FGF14: variants seen among roughly 807,000 people sequenced by gnomAD.
The protein encoded by FGF14 is fibroblast growth factor 14.
FGF14 carries 5 observed loss-of-function variants against 25.5 expected under a neutral mutation model. That is an observed-to-expected ratio of 0.20 (90% CI 0.10 to 0.41). FGF14 has a LOEUF of 0.41. Ranked by LOEUF, FGF14 falls within the 10% of genes least tolerant of loss-of-function variation. The pLI is 1.00. For synonymous variants in FGF14, 138 were observed against 118.3 expected (o/e 1.17, Z -1.08); for missense variants, 222 against 320.1 (o/e 0.69, Z 2.34).
intron 1 of FGF14, among the ~76,000 whole-genome samples, chr13:102,218,725 G>C (rs543535418): frequency 6.6e-6 from 1 of 151,216 alleles, no homozygotes; most frequent in African/African-American, 2.4e-5. Context: ...ACCACCTTGG[G>C]GTGTTTTTAT....
intron 3 of FGF14, among the ~76,000 whole-genome samples, chr13:101,833,282 T>C (rs1234857590): frequency 6.6e-6 from 1 of 152,090 alleles, no homozygotes; most frequent in Non-Finnish European, 1.5e-5. Context: ...GGGAAGTTTC[T>C]GTCTGATAAA....
At chr13:102,075,415 T>A (rs1038484187) in intron 1 of FGF14, among the ~76,000 whole-genome samples, 1 of 152,158 alleles carries the variant, frequency 6.6e-6, no homozygotes, top group Non-Finnish European at 1.5e-5. Flanking sequence ...AAGATTATAA[T>A]CAAGCTGAAA....
In FGF14 at chr13:101,718,086, G is replaced by T. The variant is rs1402471881; in HGVS notation, c.*4745C>A. ...CAAAGATGAAAATATAGTCAGCTCT[G>T]TTCTAGTGTTCATTTAGTTAGAAAC... On this transcript the variant is annotated 3_prime_UTR_variant, in exon 5 of 5. Coordinates refer to ENST00000376143, the MANE Select transcript of FGF14 (RefSeq NM_004115.4). 6.6e-6 allele frequency: 1 copy of T among 152,072 alleles called. No homozygotes were observed. The highest frequency in any genetic ancestry group is 1.5e-5 in the Non-Finnish European group (1 of 67,996). The allele number at this position is 152,072 out of a possible 1,614,324, so 9.4% of individuals were successfully genotyped here.
At position 101,812,635 on chromosome 13, in the gene FGF14, A is replaced by T. The variant is rs1566931144; in HGVS notation, c.408+56090T>A. Among the ~76,000 whole-genome samples the T allele has an allele frequency of 6.3e-4, 7 of 11,026 alleles. 1 individual carries two copies. The highest frequency in any genetic ancestry group is 1.8e-3 in the East Asian group (1 of 548). 7.2% of individuals were successfully genotyped at this position (11,026 alleles called of 152,430 possible). On this transcript the variant is annotated intron_variant, in intron 3 of 4. Coordinates refer to ENST00000376143, the MANE Select transcript of FGF14 (RefSeq NM_004115.4). ...ACTATATATATATATATATATATATATATATATATATATATATATTTTTTT... is the reference window on the plus strand; with the variant it reads ...ACTATATATATATATATATATATATTTATATATATATATATATATTTTTTT...
At chr13:101,979,809 GAA>G (rs752940853) in intron 1 of FGF14, among the ~76,000 whole-genome samples, 6 of 152,102 alleles carry the variant, frequency 3.9e-5, no homozygotes, top group Non-Finnish European at 8.8e-5. Context: ...ACGAGGAAAA[GAA>G]AATGACAAGA....
chr13:102,341,869 A>G (rs73583204), intron 1 of FGF14, among the ~76,000 whole-genome samples: 78 of 152,254 alleles, frequency 5.1e-4, no homozygotes, highest in African/African-American at 1.8e-3. Flanking sequence ...GACTATTTGC[A>G]TTTGTCTCTG....
intron 1 of FGF14, among the ~76,000 whole-genome samples, chr13:102,225,074 CTG>C (rs1353946439): frequency 6.6e-6 from 1 of 152,132 alleles, no homozygotes; most frequent in Non-Finnish European, 1.5e-5. Flanking sequence ...CGTCTCAGCC[CTG>C]TCTTACCTCT....
At chr13:101,979,107 C>T (rs941404223) in intron 1 of FGF14, among the ~76,000 whole-genome samples, 2 of 152,200 alleles carry the variant, frequency 1.3e-5, no homozygotes, top group African/African-American at 4.8e-5. Flanking sequence ...GCATGAGCTC[C>T]AGAGCCAGAC....
chr13:102,310,784 G>A (rs1203017365), intron 1 of FGF14, among the ~76,000 whole-genome samples: 4 of 149,010 alleles, frequency 2.7e-5, no homozygotes, highest in African/African-American at 4.9e-5. Context: ...TCTAGGTAAA[G>A]GAAGCTTGGC....
intron 3 of FGF14, among the ~76,000 whole-genome samples, chr13:101,850,989 C>G (rs1036038743): frequency 2.0e-5 from 3 of 151,862 alleles, no homozygotes; most frequent in African/African-American, 7.3e-5. Flanking sequence ...AACTGTGTTT[C>G]CCCAAAAGAC....
At chr13:102,284,207 G>A in intron 1 of FGF14, among the ~76,000 whole-genome samples, 1 of 152,124 alleles carries the variant, frequency 6.6e-6, no homozygotes. Context: ...GCATATTTCA[G>A]ATGGCATAGC....
intron 1 of FGF14, among the ~76,000 whole-genome samples, chr13:102,007,848 T>C (rs564980972): frequency 6.6e-6 from 1 of 152,336 alleles, no homozygotes; most frequent in East Asian, 1.9e-4. Context: ...ATGAGTTTCT[T>C]CAGTACCAAG....
intron 1 of FGF14, among the ~76,000 whole-genome samples, chr13:102,021,709 C>T (rs2040660828): frequency 6.6e-6 from 1 of 151,872 alleles, no homozygotes; most frequent in African/African-American, 2.4e-5. Flanking sequence ...GCTAAGAGTC[C>T]ACAGATGAGA....
intron 3 of FGF14, among the ~76,000 whole-genome samples, chr13:101,821,872 T>G (rs2042172939): frequency 6.6e-6 from 1 of 152,192 alleles, no homozygotes; most frequent in Non-Finnish European, 1.5e-5. Context: ...TTTAAGTAAT[T>G]TGTCAGTCTT....
At chr13:102,131,090 A>T (rs978629009) in intron 1 of FGF14, among the ~76,000 whole-genome samples, 23 of 152,152 alleles carry the variant, frequency 1.5e-4, no homozygotes, top group African/African-American at 5.6e-4. Flanking sequence ...AAAATTCTCC[A>T]ATTGATGTGT....
Position 102,216,246 on chromosome 13 carries a change from GT to G in FGF14, c.208+185224del, listed in dbSNP as rs538766599. Among the ~76,000 whole-genome samples, 14 of 152,258 alleles carry G rather than the reference GT, an allele frequency of 9.2e-5. No homozygotes were observed. In the East Asian group the frequency reaches 2.5e-3, roughly 27 times the overall value. ...TAGCTCTGAGATAACACAGGATGAG[GT>G]TTGGGAAAGCCACATCATTCTACCA... is the stretch of plus-strand genomic sequence containing the variant. On this transcript the variant is annotated intron_variant, in intron 1 of 4. Coordinates refer to the FGF14 transcript ENST00000376131.
intron 1 of FGF14, among the ~76,000 whole-genome samples, chr13:102,359,878 G>A: frequency 6.7e-6 from 1 of 150,046 alleles, no homozygotes; most frequent in Non-Finnish European, 1.5e-5. Context: ...CAGTCCAAGG[G>A]GAAAATAATT....
At chr13:102,170,144 C>A (rs759776570) in intron 1 of FGF14, among the ~76,000 whole-genome samples, 16 of 151,940 alleles carry the variant, frequency 1.1e-4, no homozygotes, top group Non-Finnish European at 1.9e-4. Flanking sequence ...TTACAGTCTT[C>A]CAGCGTGGGG....
Position 101,844,895 on chromosome 13 carries a change from C to T in FGF14, c.408+23830G>A, listed in dbSNP as rs551733491. ...TGCAAATGCCAGCAACTAACACTCC[C>T]GTGTCCCCTGACATCGTAGGAATTT... On this transcript the variant is annotated intron_variant, in intron 3 of 4. Coordinates refer to ENST00000376143, the MANE Select transcript of FGF14 (RefSeq NM_004115.4). Among the ~76,000 whole-genome samples the T allele has an allele frequency of 3.9e-5, 6 of 152,120 alleles. No homozygotes were observed. The South Asian group carries it at 1.2e-3, about 32-fold the overall frequency.
Sources: allele counts gnomAD v4.1 joint callset (sites outside exome capture counted in the v4.1 genomes callset), GRCh38; gene constraint gnomAD v4.1.1; transcripts MANE v1.5; gene names NCBI Gene and HGNC (gene_info 2026-07-23, HGNC 2026-07-21).